The following ZNF141 variants were observed in gnomAD, a reference collection of about 807,000 sequenced individuals.
The protein encoded by ZNF141 is zinc finger protein 141.
In ZNF141, 7 loss-of-function variants were observed where a neutral mutation model predicts 11.3. The ratio of observed to expected loss-of-function variants is 0.62; its 90% CI spans 0.35 to 1.16. The LOEUF (loss-of-function observed/expected upper bound fraction) is 1.16. Among genes scored for constraint, ZNF141 ranks in the 50% most tolerant of loss-of-function variants. The pLI, the probability that ZNF141 is intolerant of heterozygous loss-of-function variation, is 0.02. For missense variants in ZNF141, 535 were observed against 554.0 expected, an observed-to-expected ratio of 0.97 and a Z score of 0.34; for synonymous variants, 183 against 190.7, an observed-to-expected ratio of 0.96 and a Z score of 0.33.
At chr4:351,082 C>T (rs1253553175) in intron 3 of ZNF141, among the ~76,000 whole-genome samples, 11 of 151,666 alleles carry the variant, frequency 7.3e-5, no homozygotes, top group Non-Finnish European at 1.2e-4. Flanking sequence ...TGTGGCACCT[C>T]CCCTCTCACT....
intron 3 of ZNF141, among the ~76,000 whole-genome samples, chr4:353,861 T>C (rs1721728530): frequency 6.6e-6 from 1 of 152,140 alleles, no homozygotes. Flanking sequence ...GAAGGACTTC[T>C]GAGGGCAGAC....
intron 1 of ZNF141, among the ~76,000 whole-genome samples, chr4:340,357 A>G (rs1181451342): frequency 2.0e-5 from 3 of 152,244 alleles, no homozygotes; most frequent in African/African-American, 7.2e-5. Context: ...TAGCAGTTTG[A>G]CTAGATTTCT....
intron 3 of ZNF141, among the ~76,000 whole-genome samples, chr4:358,055 CTTACTT>C (rs1469738596): frequency 4.0e-5 from 6 of 151,390 alleles, no homozygotes; most frequent in African/African-American, 1.5e-4. Flanking sequence ...TTTCAAATGA[CTTACTT>C]TTAAGTTTGC....
intron 3 of ZNF141, among the ~76,000 whole-genome samples, chr4:348,041 T>C (rs1721422044): frequency 6.6e-6 from 1 of 151,858 alleles, no homozygotes; most frequent in Non-Finnish European, 1.5e-5. Flanking sequence ...AGACGAGGTT[T>C]CACTGTGTTA....
Position 382,299 on chromosome 4 carries a change from C to T in ZNF141, c.*8437C>T, listed in dbSNP as rs1485145148. On this transcript the variant is annotated 3_prime_UTR_variant, in exon 4 of 4. Transcript: ENST00000240499. ...CTAGGCACTTGCCCTATAGCTGCTC[C>T]TAAATGTGGGGTCTTAGAAAACATC... Among the ~76,000 whole-genome samples the T allele has an allele frequency of 1.3e-5, 2 of 152,046 alleles. No homozygotes were observed. The highest frequency in any genetic ancestry group is 4.8e-5 in the African/African-American group (2 of 41,382).
At chr4:350,101 C>T (rs1483343017) in intron 3 of ZNF141, 13 of 531,100 alleles carry the variant, frequency 2.4e-5, no homozygotes, top group African/African-American at 9.6e-5. Context: ...GGAAGGACCA[C>T]GTCTGGACTG....
intron 3 of ZNF141, among the ~76,000 whole-genome samples, chr4:370,569 T>A (rs1464354478): frequency 6.6e-6 from 1 of 152,212 alleles, no homozygotes. Flanking sequence ...GAAAAAATGT[T>A]GACAGATTCA....
intron 3 of ZNF141, among the ~76,000 whole-genome samples, chr4:370,053 C>G (rs1711980296): frequency 6.6e-6 from 1 of 152,010 alleles, no homozygotes; most frequent in East Asian, 1.9e-4. Context: ...GCATGAGCCA[C>G]TGGGCCTGGC....
intron 3 of ZNF141, among the ~76,000 whole-genome samples, chr4:371,247 T>G (rs1487619318): frequency 1.3e-5 from 2 of 151,276 alleles, no homozygotes; most frequent in Non-Finnish European, 3.0e-5. Flanking sequence ...TTTTTTTTTT[T>G]TTGAGATGGA....
At chr4:341,594 T>C (rs547560790) in intron 1 of ZNF141, among the ~76,000 whole-genome samples, 3 of 152,314 alleles carry the variant, frequency 2.0e-5, no homozygotes, top group African/African-American at 7.2e-5. Context: ...CAAATTTCTC[T>C]TGGGCAGGCT....
At chr4:344,175 A>C (rs2108684447) in intron 2 of ZNF141, among the ~76,000 whole-genome samples, 160 bp from the exon 3 acceptor site, 1 of 152,322 alleles carries the variant, frequency 6.6e-6, no homozygotes, top group South Asian at 2.1e-4. Flanking sequence ...CCGCAGATTT[A>C]AAATACTTAA....
In ZNF141 at chr4:381,676, T is replaced by C. The variant is rs1384033208; in HGVS notation, c.*7814T>C. On this transcript the variant is annotated 3_prime_UTR_variant, in exon 4 of 4. Transcript: ENST00000240499. Reference sequence around the variant, plus strand: ...CCACCCAGTCAGCCTCCCAAAGTGCTGGGATTACAGGCGTGAGCCACCATG... The same window carrying C: ...CCACCCAGTCAGCCTCCCAAAGTGCCGGGATTACAGGCGTGAGCCACCATG... Among the ~76,000 whole-genome samples, 1 of 152,088 alleles carries C rather than the reference T, an allele frequency of 6.6e-6. No individual in the cohort carries two copies. The highest frequency in any genetic ancestry group is 2.4e-5 in the African/African-American group (1 of 41,392).
rs782682153 is a variant in ZNF141, at chr4:372,945, G to A, written c.508G>A (p.Glu170Lys). ...CAAACGTAAGACAAGACATACTGGA[G>A]AGAAACACTTTAAAGAATGTGGCAA... ...SNKRKTRHTG[E>K]KHFKECGKSF... The change falls in exon 4 of 4, where the codon GAG becomes AAG. Residue 170 changes from glutamate to lysine, a missense_variant. By Grantham distance (56) the Glu-to-Lys change is moderately conservative. Transcript: ENST00000240499. The A allele has an allele frequency of 6.2e-7, 1 of 1,614,112 alleles. No homozygotes were observed. The highest frequency in any genetic ancestry group is 8.5e-7 in the Non-Finnish European group (1 of 1,179,984).
At chr4:362,745 T>G (rs1711550455) in intron 3 of ZNF141, among the ~76,000 whole-genome samples, 1 of 152,230 alleles carries the variant, frequency 6.6e-6, no homozygotes, top group Non-Finnish European at 1.5e-5. Flanking sequence ...ATATCTCTGT[T>G]TTGGTACCAG....
chr4:356,658 A>G lies in ZNF141; in HGVS notation c.226+12228A>G, dbSNP rs549080743. Among the ~76,000 whole-genome samples, 5 of 152,248 alleles carry G rather than the reference A, an allele frequency of 3.3e-5. No homozygotes were observed. The South Asian group carries it at 8.3e-4, about 25-fold the overall frequency. ...ACAATGGCAGTTAAATTTTAACACG[A>G]ATTTTGAGGGGACACTAAAACCATA... On this transcript the variant is annotated intron_variant, in intron 3 of 3. Transcript: ENST00000240499.
At position 378,007 on chromosome 4, in the gene ZNF141, A is replaced by G. The variant is rs1247109810; in HGVS notation, c.*4145A>G. 6.6e-6 allele frequency: 1 copy of G among 152,096 alleles called. No individual in the cohort carries two copies. Among genetic ancestry groups the G allele is most frequent in the African/African-American group, 2.4e-5 (1 of 41,416 alleles). 9.4% of individuals were successfully genotyped at this position (152,096 alleles called of 1,614,324 possible). A position where few individuals can be genotyped will look rare whatever the true frequency, so the allele number is the denominator to read the frequency against. ...TGGTGAAACCCCATCTCTACTAAAAATACAAAAATTAGCAGGGCGTGGTGG... is the reference window on the plus strand; with the variant it reads ...TGGTGAAACCCCATCTCTACTAAAAGTACAAAAATTAGCAGGGCGTGGTGG... On this transcript the variant is annotated 3_prime_UTR_variant, in exon 4 of 4. Transcript: ENST00000240499.
At position 372,799 on chromosome 4, in the gene ZNF141, A is replaced by T; in HGVS notation, c.362A>T (p.Asn121Ile). ...LQLRKGCKSL[N>I]ECKLQKGGYN... ...TTAAGAAAAGGCTGTAAAAGTTTGA[A>T]TGAGTGTAAGTTGCAGAAAGGAGGT... Residue 121 changes from asparagine to isoleucine, a missense_variant, in exon 4 of 4, where the codon AAT becomes ATT. Asn to Ile is a moderately radical substitution (Grantham distance 149). Transcript: ENST00000240499. 6.2e-7 allele frequency: 1 copy of T among 1,613,992 alleles called. No individual in the cohort carries two copies. The highest frequency in any genetic ancestry group is 8.5e-7 in the Non-Finnish European group (1 of 1,179,920).
At chr4:363,269 T>G (rs1257858361) in intron 3 of ZNF141, among the ~76,000 whole-genome samples, 1 of 152,246 alleles carries the variant, frequency 6.6e-6, no homozygotes, top group Non-Finnish European at 1.5e-5. Flanking sequence ...CTTGAGATTT[T>G]GGGCTGAGAC....
In ZNF141 at chr4:373,446, A is replaced by G. The variant is rs573806680; in HGVS notation, c.1009A>G (p.Lys337Glu). The change falls in exon 4 of 4, where the codon AAA becomes GAA. Residue 337 changes from lysine (K) to glutamate (E), a missense_variant. Coordinates refer to ENST00000240499, the MANE Select transcript of ZNF141 (RefSeq NM_003441.4). ...ACATAAGAGAATTCATACTGGAGAGAAACCCTACACATGTGAAGAATGTGG... is the reference window on the plus strand; with the variant it reads ...ACATAAGAGAATTCATACTGGAGAGGAACCCTACACATGTGAAGAATGTGG... ...TKHKRIHTGE[K>E]PYTCEECGKA... The G allele has an allele frequency of 1.9e-6, 3 of 1,614,158 alleles. No individual in the cohort carries two copies. Among genetic ancestry groups the G allele is most frequent in the Admixed American group, 3.3e-5 (2 of 60,016 alleles).
Sources: allele counts gnomAD v4.1 joint callset (sites outside exome capture counted in the v4.1 genomes callset), GRCh38; gene constraint gnomAD v4.1.1; transcripts MANE v1.5; gene names NCBI Gene and HGNC (gene_info 2026-07-23, HGNC 2026-07-21).